The following SIX2 variants were observed in gnomAD, a reference collection of about 807,000 sequenced individuals.
SIX2 encodes homeobox protein SIX2.
Under a neutral mutation model 22.8 loss-of-function variants are expected in SIX2, and 20 were observed. The observed-to-expected ratio is 0.88, with a 90% CI of 0.62 to 1.28. SIX2 has a LOEUF of 1.28. Ranked by LOEUF, SIX2 falls within the 50% of genes most tolerant of loss-of-function variation. SIX2 has a pLI of 0.00. For synonymous variants in SIX2, 195 were observed against 186.4 expected (o/e 1.05, Z -0.37); for missense variants, 360 against 400.0 (o/e 0.90, Z 0.85).
At position 45,006,484 on chromosome 2, in the gene SIX2, C is replaced by A; in HGVS notation, c.562G>T (p.Glu188Ter). Reference sequence around the variant, plus strand: ...TTAGAATTGGAGTTCTCGTTGTTCTCCCTGCAAGTGCGGGAGCAAAGCAGC... The same window carrying A: ...TTAGAATTGGAGTTCTCGTTGTTCTACCTGCAAGTGCGGGAGCAAAGCAGC... Reference protein sequence around the residue: ...RDRAAEAKERENNENSNSNSH... With the variant: ...RDRAAEAKER Residue 188 changes from glutamate to a stop codon, truncating the protein, a stop_gained and splice_region_variant, in exon 2 of 2, where the codon GAG becomes TAG. Coordinates refer to ENST00000303077, the MANE Select transcript of SIX2 (RefSeq NM_016932.5). LOFTEE classifies it high-confidence loss of function. The surrounding 1 kb of genome is among the most constrained non-coding windows in gnomAD (Gnocchi z 4.2). The A allele has an allele frequency of 6.2e-7, 1 of 1,613,096 alleles. No homozygotes were observed. Among genetic ancestry groups the A allele is most frequent in the Non-Finnish European group, 8.5e-7 (1 of 1,180,000 alleles).
rs745387244 is a variant in SIX2, at chr2:45,009,063, G to A, written c.48C>T (p.Cys16=). The A allele has an allele frequency of 6.2e-7, 1 of 1,602,406 alleles. No individual in the cohort carries two copies. Among genetic ancestry groups the A allele is most frequent in the Admixed American group, 1.7e-5 (1 of 59,544 alleles). The part of the protein sequence containing the change: ...TFGFTQEQVA[C]VCEVLQQGGN... Reference sequence around the variant, plus strand: ...CGCCCTGCTGCAGCACCTCGCACACGCACGCCACTTGCTCCTGCGTGAAGC... The same window carrying A: ...CGCCCTGCTGCAGCACCTCGCACACACACGCCACTTGCTCCTGCGTGAAGC... Residue 16 remains cysteine (C), a synonymous_variant, in exon 1 of 2, where the codon TGC becomes TGT. Coordinates refer to ENST00000303077, the MANE Select transcript of SIX2 (RefSeq NM_016932.5).
rs1033566925 is a variant in SIX2 at position 45,005,199 on chromosome 2, T to C, written c.*971A>G. 3.3e-5 allele frequency: 5 copies of C among 152,334 alleles called. No homozygotes were observed. The highest frequency in any genetic ancestry group is 2.9e-5 in the Non-Finnish European group (2 of 68,020). The allele number at this position is 152,334 out of a possible 1,614,324, so 9.4% of individuals were successfully genotyped here. ...CGCGGGCCTTGTGGCATATAACCAT[T>C]TATATATTTATGATTTCTAATTTTA... On this transcript the variant is annotated 3_prime_UTR_variant, in exon 2 of 2. Transcript: ENST00000303077.
chr2:45,005,256 G>T lies in SIX2; in HGVS notation c.*914C>A, dbSNP rs1158777989. Reference sequence around the variant, plus strand: ...AATAAAAGCAGAAATATTTCCCGAAGAACATTCACATGAGGGCATTACGGG... The same window carrying T: ...AATAAAAGCAGAAATATTTCCCGAATAACATTCACATGAGGGCATTACGGG... On this transcript the variant is annotated 3_prime_UTR_variant, in exon 2 of 2. Coordinates refer to ENST00000303077, the MANE Select transcript of SIX2 (RefSeq NM_016932.5). 1 of 152,236 alleles carries T rather than the reference G, an allele frequency of 6.6e-6. No individual in the cohort carries two copies. Among genetic ancestry groups the T allele is most frequent in the Non-Finnish European group, 1.5e-5 (1 of 68,030 alleles). The allele number at this position is 152,236 out of a possible 1,614,324, so 9.4% of individuals were successfully genotyped here.
At chr2:45,008,517 G>A (rs1196580778) in intron 1 of SIX2, 34 bp downstream of exon 1, 3 of 1,606,486 alleles carry the variant, frequency 1.9e-6, no homozygotes, top group Non-Finnish European at 2.5e-6. Flanking sequence ...GGGCCCCGGG[G>A]AGCTGGCGCC....
At position 45,008,651 on chromosome 2, in the gene SIX2, T is replaced by A. The variant is rs1667813904; in HGVS notation, c.460A>T (p.Lys154Ter). The A allele has an allele frequency of 6.2e-7, 1 of 1,613,940 alleles. No homozygotes were observed. Among genetic ancestry groups the A allele is most frequent in the African/African-American group, 1.3e-5 (1 of 74,946 alleles). The change falls in exon 1 of 2, where the codon AAG (lysine) becomes TAG (stop). Residue 154 changes from lysine (K) to a stop codon, truncating the protein, a stop_gained. Transcript: ENST00000303077. LOFTEE classifies it high-confidence loss of function. ...AHNPYPSPRE[K>*]RELAEATGLT... ...CCCGTGGCCTCCGCCAGCTCACGCT[T>A]CTCGCGGGGTGAAGGGTAGGGGTTG...
chr2:45,009,237 G>C lies in SIX2; in HGVS notation c.-127C>G. 1.4e-6 allele frequency: 1 copy of C among 703,682 alleles called. No individual in the cohort carries two copies. 43.6% of individuals were successfully genotyped at this position (703,682 alleles called of 1,614,324 possible). A position where few individuals can be genotyped will look rare whatever the true frequency, so the allele number is the denominator to read the frequency against. Reference sequence around the variant, plus strand: ...GGGCTGGCCCCCTGGCCCGGCACTGGCCCCCGGTGAGCCCCGAGTCACTGC... The same window carrying C: ...GGGCTGGCCCCCTGGCCCGGCACTGCCCCCCGGTGAGCCCCGAGTCACTGC... On this transcript the variant is annotated 5_prime_UTR_variant, in exon 1 of 2. Coordinates refer to ENST00000303077, the MANE Select transcript of SIX2 (RefSeq NM_016932.5).
Position 45,006,716 on chromosome 2 carries a change from C to T in SIX2, c.561-231G>A, listed in dbSNP as rs115356211. Among the ~76,000 whole-genome samples the T allele has an allele frequency of 3.2e-3, 488 of 152,300 alleles. 1 individual carries two copies. The highest frequency in any genetic ancestry group is 0.011 in the African/African-American group (459 of 41,562). On this transcript the variant is annotated intron_variant, in intron 1 of 1. Transcript: ENST00000303077. This position sits in a 1 kb window ranked among gnomAD's most constrained non-coding sequence, Gnocchi z 4.2. ...CTCTTGCCCCTCTGCCCTTATCGTCCCCACCTCTCATGCTGTCAATCTCAT... is the reference window on the plus strand; with the variant it reads ...CTCTTGCCCCTCTGCCCTTATCGTCTCCACCTCTCATGCTGTCAATCTCAT...
At chr2:45,007,019 G>A in intron 1 of SIX2, among the ~76,000 whole-genome samples, 1 of 152,188 alleles carries the variant, frequency 6.6e-6, no homozygotes, top group East Asian at 1.9e-4. Context: ...ACCCCTGGCT[G>A]GGAGACAGGC....
At chr2:45,007,334 G>A (rs1357313619) in intron 1 of SIX2, among the ~76,000 whole-genome samples, 2 of 152,194 alleles carry the variant, frequency 1.3e-5, no homozygotes, top group Non-Finnish European at 2.9e-5. Flanking sequence ...GGACCCAGCA[G>A]AGAGAACCCA....
Position 45,009,011 on chromosome 2 carries a change from G to C in SIX2, c.100C>G (p.Leu34Val). The C allele has an allele frequency of 3.1e-6, 5 of 1,611,468 alleles. No individual in the cohort carries two copies. The highest frequency in any genetic ancestry group is 4.2e-6 in the Non-Finnish European group (5 of 1,179,804). ...GGNIERLGRFLWSLPACEHLH... is the reference protein window; with the variant it reads ...GGNIERLGRFVWSLPACEHLH... ...TGCTCGCAGGCGGGCAGCGACCACAGGAAGCGGCCCAGCCGCTCGATGTTG... is the reference window on the plus strand; with the variant it reads ...TGCTCGCAGGCGGGCAGCGACCACACGAAGCGGCCCAGCCGCTCGATGTTG... Residue 34 changes from leucine (L) to valine (V), a missense_variant, in exon 1 of 2, where the codon CTG becomes GTG. Physicochemically the swap from Leu to Val is conservative, Grantham distance 32. Transcript: ENST00000303077.
At position 45,006,650 on chromosome 2, in the gene SIX2, C is replaced by A. The variant is rs1667771794; in HGVS notation, c.561-165G>T. 1.3e-5 allele frequency among the ~76,000 whole-genome samples: 2 copies of A among 152,186 alleles called. No homozygotes were observed. Among genetic ancestry groups the A allele is most frequent in the African/African-American group, 4.8e-5 (2 of 41,450 alleles). ...CCATTTCCTCGACCTGGTCTGGGTT[C>A]TCCTTTCTGCCCGTTCTCTCCATCT... On this transcript the variant is annotated intron_variant, in intron 1 of 1. Transcript: ENST00000303077. The surrounding 1 kb of genome is among the most constrained non-coding windows in gnomAD (Gnocchi z 4.2).
chr2:45,007,433 G>C lies in SIX2; in HGVS notation c.561-948C>G, dbSNP rs2103714801. On this transcript the variant is annotated intron_variant, in intron 1 of 1. Transcript: ENST00000303077. ...GATCTCTTGTCACCAGCTTCGGGAG[G>C]GTTTTTCTTTCTGCTTTCCTGGGAG... Among the ~76,000 whole-genome samples, 3 of 152,234 alleles carry C rather than the reference G, an allele frequency of 2.0e-5. No homozygotes were observed. In the Middle Eastern group the frequency reaches 0.01, roughly 518 times the overall value.
intron 1 of SIX2, among the ~76,000 whole-genome samples, chr2:45,007,087 C>G (rs1200842590): frequency 6.6e-6 from 1 of 152,222 alleles, no homozygotes; most frequent in Non-Finnish European, 1.5e-5. Context: ...TGTGAGGGCT[C>G]TCCTTGCTGG....
Position 45,006,119 on chromosome 2 carries a change from AC to A in SIX2, c.*50del. On this transcript the variant is annotated 3_prime_UTR_variant, in exon 2 of 2. Transcript: ENST00000303077. The surrounding 1 kb of genome is among the most constrained non-coding windows in gnomAD (Gnocchi z 4.2). ...GGGCGCCCCTGGACACCGCCACTCCACGTCCCCAGTGTCAAGTCACAAAAGG... is the reference window on the plus strand; with the variant it reads ...GGGCGCCCCTGGACACCGCCACTCCAGTCCCCAGTGTCAAGTCACAAAAGG... 6.3e-7 allele frequency: 1 copy of A among 1,596,210 alleles called. No individual in the cohort carries two copies. Among genetic ancestry groups the A allele is most frequent in the South Asian group, 1.1e-5 (1 of 90,744 alleles).
rs773807534 is a variant in SIX2, at chr2:45,006,187, C to T, written c.859G>A (p.Val287Met). 75 of 1,614,092 alleles carry T rather than the reference C, an allele frequency of 4.6e-5. 2 individuals are homozygous for T. The highest frequency in any genetic ancestry group is 3.7e-4 in the South Asian group (34 of 91,088). ...AATGGGTTCTAGGAGCCCAGGTCCA[C>T]GAGGTTGGCTGACATGGGGTTGAGG... ...SILNPMSANL[V>M]DLGS Residue 287 changes from valine to methionine, a missense_variant, in exon 2 of 2, where the codon GTG becomes ATG. Transcript: ENST00000303077. This position sits in a 1 kb window ranked among gnomAD's most constrained non-coding sequence, Gnocchi z 4.2.
Position 45,008,721 on chromosome 2 carries a change from G to C in SIX2, c.390C>G (p.Cys130Trp). The change falls in exon 1 of 2, where the codon TGC (cysteine) becomes TGG (tryptophan). Residue 130 changes from cysteine to tryptophan, a missense_variant. Around this residue, in one of 3 missense-constraint regions of SIX2, gnomAD observed 235 missense variants for 231.9 expected, o/e 1.01. Transcript: ENST00000303077. ...SIWDGEETSYCFKEKSRSVLR... is the reference protein window; with the variant it reads ...SIWDGEETSYWFKEKSRSVLR... ...GCACGCTGCGACTCTTTTCCTTGAA[G>C]CAGTAGCTGGTCTCCTCGCCGTCCC... The C allele has an allele frequency of 1.2e-6, 2 of 1,614,062 alleles. No individual in the cohort carries two copies. Among genetic ancestry groups the C allele is most frequent in the East Asian group, 4.5e-5 (2 of 44,880 alleles).
Position 45,008,969 on chromosome 2 carries a change from T to C in SIX2, c.142A>G (p.Ser48Gly), listed in dbSNP as rs1318978237. ...PACEHLHKNE[S>G]VLKAKAVVAF... ...ACCACGGCCTTGGCCTTGAGCACGCTTTCATTCTTGTGAAGGTGCTCGCAG... is the reference window on the plus strand; with the variant it reads ...ACCACGGCCTTGGCCTTGAGCACGCCTTCATTCTTGTGAAGGTGCTCGCAG... Residue 48 changes from serine (S) to glycine (G), a missense_variant, in exon 1 of 2, where the codon AGC becomes GGC. Coordinates refer to ENST00000303077, the MANE Select transcript of SIX2 (RefSeq NM_016932.5). 1 of 1,613,508 alleles carries C rather than the reference T, an allele frequency of 6.2e-7. No homozygotes were observed. Among genetic ancestry groups the C allele is most frequent in the Non-Finnish European group, 8.5e-7 (1 of 1,179,966 alleles).
rs774034314 is a variant in SIX2 at position 45,009,090 on chromosome 2, G to A, written c.21C>T (p.Phe7=). 14 of 1,585,658 alleles carry A rather than the reference G, an allele frequency of 8.8e-6. No individual in the cohort carries two copies. In the South Asian group the frequency reaches 1.6e-4, roughly 18 times the overall value. The change falls in exon 1 of 2, where the codon TTC becomes TTT. Residue 7 remains phenylalanine, a synonymous_variant. Coordinates refer to ENST00000303077, the MANE Select transcript of SIX2 (RefSeq NM_016932.5). MSMLPT[F]GFTQEQVACV... is the part of the protein sequence containing the mutation. Reference sequence around the variant, plus strand: ...ACGCCACTTGCTCCTGCGTGAAGCCGAAGGTGGGCAGCATGGACATGGTGC... The same window carrying A: ...ACGCCACTTGCTCCTGCGTGAAGCCAAAGGTGGGCAGCATGGACATGGTGC...
chr2:45,005,788 G>A lies in SIX2; in HGVS notation c.*382C>T, dbSNP rs972978295. ...AAATCTAGAAGGAAAGCAATACAAG[G>A]AGAGGGAGAAAGACAGAAAGCAGAA... On this transcript the variant is annotated 3_prime_UTR_variant, in exon 2 of 2. Transcript: ENST00000303077. 1 of 359,904 alleles carries A rather than the reference G, an allele frequency of 2.8e-6. No homozygotes were observed. 22.3% of individuals were successfully genotyped at this position (359,904 alleles called of 1,614,324 possible).
Sources: gnomAD v4.1 joint callset for allele counts (sites outside exome capture counted in the v4.1 genomes callset) on GRCh38, gnomAD v4.1.1 for gene constraint, gnomAD v4.1.1 regional missense constraint, Gnocchi (gnomAD v3.1) non-coding constraint, MANE v1.5 for transcripts, NCBI Gene and HGNC (gene_info 2026-07-23, HGNC 2026-07-21) for gene names.